TRPM3: variants seen among roughly 807,000 people sequenced by gnomAD.
TRPM3 encodes the protein long transient receptor potential channel 3.
A neutral mutation model predicts 181.2 loss-of-function variants in TRPM3; 77 were observed. The observed-to-expected ratio is 0.42, with a 90% CI of 0.35 to 0.51. TRPM3 has a LOEUF of 0.51. Among genes scored for constraint, TRPM3 ranks in the 20% least tolerant of loss-of-function variants. TRPM3 has a pLI of 0.01. For missense variants in TRPM3, 1,759 were observed against 2,196.7 expected (o/e 0.80, Z 3.98); for synonymous variants, 745 against 796.4 (o/e 0.94, Z 1.09).
intron 1 of TRPM3, among the ~76,000 whole-genome samples, chr9:71,381,951 G>T (rs118114832): frequency 7.2e-5 from 11 of 151,978 alleles, no homozygotes; most frequent in Non-Finnish European, 1.6e-4. Flanking sequence ...CTTCCCACAC[G>T]GTGCTATCAA....
At chr9:70,841,661 T>TATAA (rs1339698170) in intron 5 of TRPM3, among the ~76,000 whole-genome samples, 1,732 of 85,988 alleles carry the variant, frequency 0.02, 94 homozygotes, top group African/African-American at 0.063. Flanking sequence ...TATATATATA[T>TATAA]CCCACCATAT....
chr9:71,142,878 C>T (rs1022022467), intron 1 of TRPM3, among the ~76,000 whole-genome samples: 12 of 150,766 alleles, frequency 8.0e-5, no homozygotes, highest in African/African-American at 2.7e-4. Flanking sequence ...GCCAAGGCAG[C>T]GAGGCAGGAG....
chr9:71,120,482 C>T (rs752911098), intron 1 of TRPM3, among the ~76,000 whole-genome samples: 1 of 152,160 alleles, frequency 6.6e-6, no homozygotes, highest in Non-Finnish European at 1.5e-5. Flanking sequence ...TGCAGACACA[C>T]GGTGGCAATT....
intron 1 of TRPM3, among the ~76,000 whole-genome samples, chr9:70,938,469 CCTGT>C (rs2096851251): frequency 6.6e-6 from 1 of 152,134 alleles, no homozygotes; most frequent in Admixed American, 6.5e-5. Flanking sequence ...TCTATTTAAT[CCTGT>C]CTTTTTTTTC....
chr9:71,361,193 G>A (rs2092129396), intron 1 of TRPM3, among the ~76,000 whole-genome samples: 1 of 152,056 alleles, frequency 6.6e-6, no homozygotes, highest in Non-Finnish European at 1.5e-5. Context: ...CACCATGTTG[G>A]CCAGGCTGGT....
At chr9:71,287,097 A>G (rs1299169372) in intron 1 of TRPM3, among the ~76,000 whole-genome samples, 1 of 144,364 alleles carries the variant, frequency 6.9e-6, no homozygotes, top group Non-Finnish European at 1.5e-5. Flanking sequence ...ATTATATGAT[A>G]TAATATAAAA....
Position 71,187,722 on chromosome 9 carries a change from C to T in TRPM3, c.183+258931G>A, listed in dbSNP as rs2077757713. ...AAAATCTAAAAGCCTCCTCTGTTTC[C>T]CCATTACCAAAAGCTGGCCACTCCT... On this transcript the variant is annotated intron_variant, in intron 1 of 24. Transcript: ENST00000357533. 2.0e-5 allele frequency among the ~76,000 whole-genome samples: 3 copies of T among 151,976 alleles called. No individual in the cohort carries two copies. In the South Asian group the frequency reaches 6.2e-4, roughly 31 times the overall value.
At chr9:70,839,033 G>C (rs1358911367) in intron 5 of TRPM3, among the ~76,000 whole-genome samples, 2 of 152,080 alleles carry the variant, frequency 1.3e-5, no homozygotes, top group Non-Finnish European at 2.9e-5. Flanking sequence ...CTTCCACCTT[G>C]AGTTGCTATC....
At chr9:70,767,283 T>C (rs1003368777) in intron 7 of TRPM3, among the ~76,000 whole-genome samples, 4 of 152,190 alleles carry the variant, frequency 2.6e-5, no homozygotes, top group Non-Finnish European at 5.9e-5. Flanking sequence ...GGCTTAATTA[T>C]AGTAGAGTCT....
At chr9:70,787,627 T>G (rs1333685482) in intron 6 of TRPM3, among the ~76,000 whole-genome samples, 4 of 152,156 alleles carry the variant, frequency 2.6e-5, no homozygotes, top group Non-Finnish European at 4.4e-5. Flanking sequence ...AGTAATGACC[T>G]GAAGTAGTCT....
intron 1 of TRPM3, among the ~76,000 whole-genome samples, chr9:71,328,245 G>A (rs1289498091): frequency 6.6e-6 from 1 of 152,074 alleles, no homozygotes; most frequent in Non-Finnish European, 1.5e-5. Flanking sequence ...CTCACTGCAA[G>A]CTCCGCCTCC....
intron 1 of TRPM3, among the ~76,000 whole-genome samples, chr9:71,261,998 G>GAGGC (rs1392531630): frequency 6.6e-6 from 1 of 152,210 alleles, no homozygotes. Context: ...CCCACTTGAG[G>GAGGC]AGGCAGTCTG....
intron 1 of TRPM3, among the ~76,000 whole-genome samples, chr9:70,908,274 A>G (rs1200400667): frequency 6.6e-6 from 1 of 152,220 alleles, no homozygotes; most frequent in Non-Finnish European, 1.5e-5. Context: ...GACTTTATAG[A>G]ACATAATTGC....
chr9:70,651,703 T>G (rs927800185), intron 9 of TRPM3, among the ~76,000 whole-genome samples: 2 of 152,234 alleles, frequency 1.3e-5, no homozygotes, highest in African/African-American at 4.8e-5. Context: ...CTCCTGCATG[T>G]ACAAACATTT....
At chr9:71,328,222 T>A (rs1244833209) in intron 1 of TRPM3, among the ~76,000 whole-genome samples, 1 of 152,206 alleles carries the variant, frequency 6.6e-6, no homozygotes, top group Non-Finnish European at 1.5e-5. Flanking sequence ...TGGAGTGCAG[T>A]GGCTGATCTC....
At chr9:71,374,918 A>C (rs2092626594) in intron 1 of TRPM3, among the ~76,000 whole-genome samples, 1 of 152,226 alleles carries the variant, frequency 6.6e-6, no homozygotes, top group Non-Finnish European at 1.5e-5. Context: ...AAGAACTCCA[A>C]ACCACTACTC....
intron 9 of TRPM3, among the ~76,000 whole-genome samples, chr9:70,675,074 ATTTCAATTTCAT>A (rs2063735846): frequency 6.6e-6 from 1 of 151,900 alleles, no homozygotes; most frequent in Non-Finnish European, 1.5e-5. Flanking sequence ...TTGCATTTCA[ATTTCAATTTCAT>A]TTCATTTTTA....
rs190411078 is a variant in TRPM3, at chr9:70,605,272, A to G, written c.2668-1802T>C. 1.5e-3 allele frequency among the ~76,000 whole-genome samples: 222 copies of G among 152,190 alleles called. 2 individuals carry two copies. The South Asian group carries it at 0.018, about 12-fold the overall frequency. On this transcript the variant is annotated intron_variant, in intron 19 of 25. Transcript: ENST00000677713. Reference sequence around the variant, plus strand: ...CGCCTCGCCTAAATAGAGTCTTAATATGACTCCAAGGTATCTCTGAGACCC... The same window carrying G: ...CGCCTCGCCTAAATAGAGTCTTAATGTGACTCCAAGGTATCTCTGAGACCC...
intron 1 of TRPM3, among the ~76,000 whole-genome samples, chr9:71,380,234 T>C (rs2092767279): frequency 6.6e-6 from 1 of 151,996 alleles, no homozygotes; most frequent in Admixed American, 6.6e-5. Context: ...TGATGTTCTT[T>C]GAATTCAAGT....
Sources: gnomAD v4.1 joint callset for allele counts (sites outside exome capture counted in the v4.1 genomes callset) on GRCh38, gnomAD v4.1.1 for gene constraint, MANE v1.5 for transcripts, NCBI Gene and HGNC (gene_info 2026-07-23, HGNC 2026-07-21) for gene names.